The following PIWIL3 variants were observed in gnomAD, a reference collection of about 807,000 sequenced individuals.
PIWIL3 encodes the protein piwi-like protein 3.
A neutral mutation model predicts 109.7 loss-of-function variants in PIWIL3; 101 were observed. The observed-to-expected ratio is 0.92, with a 90% CI of 0.78 to 1.09. The LOEUF is 1.09. Ranked by LOEUF, PIWIL3 falls within the 50% of genes least tolerant of loss-of-function variation. The pLI is 0.00. For missense variants in PIWIL3, 1,031 were observed against 1,072.6 expected (o/e 0.96, Z 0.54); for synonymous variants, 373 against 376.4 (o/e 0.99, Z 0.10).
At chr22:24,767,110 C>T (rs961071329) in intron 1 of PIWIL3, among the ~76,000 whole-genome samples, 7 of 152,034 alleles carry the variant, frequency 4.6e-5, no homozygotes, top group Admixed American at 2.0e-4. Context: ...CACTGCACTC[C>T]AGCCCGGGTG....
chr22:24,755,719 T>G (rs1924984294), intron 6 of PIWIL3, 65 bp downstream of exon 6: 1 of 1,593,502 alleles, frequency 6.3e-7, no homozygotes, highest in African/African-American at 1.3e-5. Context: ...AATGGCTGTA[T>G]TCCACACCAC....
At position 24,754,803 on chromosome 22, in the gene PIWIL3, T is replaced by C. The variant is rs777425299; in HGVS notation, c.754A>G (p.Ile252Val). 2 of 1,610,182 alleles carry C rather than the reference T, an allele frequency of 1.2e-6. No individual in the cohort carries two copies. Among genetic ancestry groups the C allele is most frequent in the Non-Finnish European group, 1.7e-6 (2 of 1,176,542 alleles). The change falls in exon 7 of 21, where the codon ATT becomes GTT. Residue 252 changes from isoleucine (I) to valine (V), a missense_variant. Transcript: ENST00000616349. The part of the protein sequence containing the change: ...GRNYYTKKKA[I>V]QLYRHGTSLE... ...ACAAACCCATGACGGTATAACTGAA[T>C]GGCCTTCTTTTTGGTATAATAGTTG...
At chr22:24,754,938 A>G in intron 6 of PIWIL3, 74 bp from the exon 7 acceptor site, 5 of 1,243,344 alleles carry the variant, frequency 4.0e-6, no homozygotes, top group Non-Finnish European at 5.9e-6. Flanking sequence ...CACATAAGGG[A>G]AAAAAAATCT....
intron 13 of PIWIL3, among the ~76,000 whole-genome samples, chr22:24,734,672 T>C (rs1923551677): frequency 6.6e-6 from 1 of 152,100 alleles, no homozygotes; most frequent in Non-Finnish European, 1.5e-5. Context: ...CTCTAGGAGC[T>C]TGACCAGGTT....
chr22:24,719,434 T>C lies in PIWIL3; in HGVS notation c.*38A>G. On this transcript the variant is annotated 3_prime_UTR_variant, in exon 21 of 21. Transcript: ENST00000616349. Reference sequence around the variant, plus strand: ...TTCAAAAGGAAGACAGGCTTACACGTTGTGGTTTCATTAGCACATCAGGTC... The same window carrying C: ...TTCAAAAGGAAGACAGGCTTACACGCTGTGGTTTCATTAGCACATCAGGTC... The C allele has an allele frequency of 7.1e-7, 1 of 1,416,542 alleles. No homozygotes were observed. Among genetic ancestry groups the C allele is most frequent in the Non-Finnish European group, 9.6e-7 (1 of 1,039,020 alleles). 87.7% of individuals were successfully genotyped at this position (1,416,542 alleles called of 1,614,324 possible). A position where few individuals can be genotyped will look rare whatever the true frequency, so the allele number is the denominator to read the frequency against.
chr22:24,748,884 T>A (rs895572354), intron 12 of PIWIL3, 23 bp downstream of exon 12: 1 of 1,569,812 alleles, frequency 6.4e-7, no homozygotes, highest in African/African-American at 1.4e-5. Flanking sequence ...CACCATGACA[T>A]GATGATTTTG....
intron 19 of PIWIL3, 31 bp downstream of exon 19, chr22:24,723,099 G>C: frequency 1.9e-6 from 3 of 1,601,308 alleles, no homozygotes; most frequent in Non-Finnish European, 2.6e-6. Context: ...GAAAATCATA[G>C]AACCATGTGC....
intron 1 of PIWIL3, among the ~76,000 whole-genome samples, chr22:24,773,299 C>T (rs761054535): frequency 3.3e-5 from 5 of 152,216 alleles, no homozygotes; most frequent in Non-Finnish European, 5.9e-5. Flanking sequence ...TTCCTGCATG[C>T]CCTGCACAGG....
intron 18 of PIWIL3, 92 bp from the exon 19 acceptor site, chr22:24,723,347 C>T: frequency 7.5e-7 from 1 of 1,331,194 alleles, no homozygotes; most frequent in Non-Finnish European, 1.0e-6. Context: ...CATTTAGGAC[C>T]CATTAAGAAG....
At chr22:24,747,212 G>A (rs1430458548) in intron 12 of PIWIL3, among the ~76,000 whole-genome samples, 1 of 151,932 alleles carries the variant, frequency 6.6e-6, no homozygotes, top group Non-Finnish European at 1.5e-5. Context: ...AAGGAACCAA[G>A]AACATACATT....
intron 1 of PIWIL3, among the ~76,000 whole-genome samples, chr22:24,768,324 G>T (rs112693385): frequency 0.056 from 8,499 of 150,966 alleles, 299 homozygotes; most frequent in South Asian, 0.11. Flanking sequence ...ACACAATCTC[G>T]GCTCACTGCA....
In PIWIL3 at chr22:24,728,065, T is replaced by C; in HGVS notation, c.1906-12A>G. The C allele has an allele frequency of 6.2e-7, 1 of 1,612,906 alleles. No individual in the cohort carries two copies. Among genetic ancestry groups the C allele is most frequent in the Admixed American group, 1.7e-5 (1 of 59,942 alleles). ...ATTGTTCTTTGTACCTTAAGTTTGT[T>C]TTTGAAAAGGTAATGGAGTTAGAAC... On this transcript the variant is annotated splice_polypyrimidine_tract_variant and intron_variant, in intron 15 of 20. Coordinates refer to ENST00000616349, the MANE Select transcript of PIWIL3 (RefSeq NM_001255975.1).
intron 1 of PIWIL3, among the ~76,000 whole-genome samples, chr22:24,770,483 T>G (rs1418726880): frequency 6.6e-6 from 1 of 152,066 alleles, no homozygotes; most frequent in Non-Finnish European, 1.5e-5. Flanking sequence ...GTAGCTTATC[T>G]AATTATGTGC....
chr22:24,730,363 C>A (rs1220033277), intron 14 of PIWIL3, among the ~76,000 whole-genome samples: 1,911 of 93,056 alleles, frequency 0.021, no homozygotes, highest in African/African-American at 0.037. Context: ...GACTCAGTCT[C>A]AAAAAAAAAA....
chr22:24,766,318 T>G (rs988081005), intron 1 of PIWIL3, among the ~76,000 whole-genome samples: 1 of 145,468 alleles, frequency 6.9e-6, no homozygotes, highest in East Asian at 1.9e-4. Context: ...TTGTTTTGTT[T>G]TGTTTTTGTT....
At chr22:24,767,445 G>A (rs1925865265) in intron 1 of PIWIL3, among the ~76,000 whole-genome samples, 1 of 151,874 alleles carries the variant, frequency 6.6e-6, no homozygotes, top group South Asian at 2.1e-4. Flanking sequence ...CAGCTACTTG[G>A]GAGACTGAGG....
chr22:24,761,993 A>G, intron 2 of PIWIL3: 1 of 994,648 alleles, frequency 1.0e-6, no homozygotes. Flanking sequence ...GATATGCAGT[A>G]AGAGAAGACA....
rs1207842688 is a variant in PIWIL3, at chr22:24,733,572, T to G, written c.1707+512A>C. ...GGTAGGCGCCTGTAATCCCAGCTAC[T>G]TGGGAGGCTGAGGCAGGAGAATTGC... On this transcript the variant is annotated intron_variant, in intron 14 of 20. Coordinates refer to ENST00000616349, the MANE Select transcript of PIWIL3 (RefSeq NM_001255975.1). Among the ~76,000 whole-genome samples, 3 of 152,178 alleles carry G rather than the reference T, an allele frequency of 2.0e-5. No homozygotes were observed. The East Asian group carries it at 5.8e-4, about 29-fold the overall frequency.
At position 24,748,912 on chromosome 22, in the gene PIWIL3, T is replaced by C. The variant is rs868179691; in HGVS notation, c.1444A>G (p.Arg482Gly). 7 of 1,608,256 alleles carry C rather than the reference T, an allele frequency of 4.4e-6. No individual in the cohort carries two copies. In the African/African-American group the frequency reaches 8.0e-5, roughly 18 times the overall value. The change falls in exon 12 of 21, where the codon AGA becomes GGA. Residue 482 changes from arginine to glycine, a missense_variant. Transcript: ENST00000616349. ...TGATTTTGAAACTGTCTTACCATTC[T>C]TCTGCCTTGCACGATGTTTGCGTTT... ...LKNANIVQGR[R>G]MVKANSQGDW...
Sources: gnomAD v4.1 joint callset for allele counts (sites outside exome capture counted in the v4.1 genomes callset) on GRCh38, gnomAD v4.1.1 for gene constraint, MANE v1.5 for transcripts, NCBI Gene and HGNC (gene_info 2026-07-23, HGNC 2026-07-21) for gene names.